Variants in COL23A1 observed in about 807,000 individuals in gnomAD.
The protein encoded by COL23A1 is collagen alpha-1(XXIII) chain.
COL23A1 carries 97 observed loss-of-function variants against 99.3 expected under a neutral mutation model. That is an observed-to-expected ratio of 0.98 (90% CI 0.83 to 1.16). The LOEUF is 1.16. Among genes scored for constraint, COL23A1 ranks in the 50% most tolerant of loss-of-function variants. The pLI is 0.00. For missense variants in COL23A1, 762 were observed against 757.4 expected (o/e 1.01, Z -0.07); for synonymous variants, 320 against 308.2 (o/e 1.04, Z -0.40).
intron 2 of COL23A1, among the ~76,000 whole-genome samples, chr5:178,489,305 T>G (rs1002287063): frequency 6.6e-6 from 1 of 152,208 alleles, no homozygotes; most frequent in Admixed American, 6.5e-5. Context: ...TTCAGGTCCT[T>G]CTGCCTTTGG....
chr5:178,331,111 C>T (rs546828780), intron 2 of COL23A1, among the ~76,000 whole-genome samples: 33 of 152,324 alleles, frequency 2.2e-4, no homozygotes, highest in Non-Finnish European at 4.0e-4. Context: ...CACGAATGCC[C>T]AGTACAAAAG....
chr5:178,562,265 AAG>A, intron 1 of COL23A1: 1 of 332,088 alleles, frequency 3.0e-6, no homozygotes, highest in South Asian at 2.5e-5. Context: ...AAAAAAAAAA[AAG>A]AATGGAGCCG....
At chr5:178,504,032 G>C (rs867008684) in intron 2 of COL23A1, among the ~76,000 whole-genome samples, 1 of 150,484 alleles carries the variant, frequency 6.6e-6, no homozygotes, top group African/African-American at 2.5e-5. Context: ...TGCTGCAAAA[G>C]ATAAAAAAGA....
At chr5:178,518,510 C>A (rs1419695382) in intron 2 of COL23A1, among the ~76,000 whole-genome samples, 2 of 136,794 alleles carry the variant, frequency 1.5e-5, no homozygotes, top group African/African-American at 2.8e-5. Context: ...GACGGGGTGG[C>A]TGGCCGGGCA....
intron 3 of COL23A1, among the ~76,000 whole-genome samples, chr5:178,303,178 T>G (rs1171707815): frequency 1.3e-5 from 2 of 152,086 alleles, no homozygotes; most frequent in Admixed American, 1.3e-4. Context: ...TTTTGTATTT[T>G]TAGTAGAGAT....
chr5:178,379,070 TG>T (rs1207280226), intron 2 of COL23A1, among the ~76,000 whole-genome samples: 1 of 152,182 alleles, frequency 6.6e-6, no homozygotes, highest in Non-Finnish European at 1.5e-5. Context: ...TGTCTGGTTA[TG>T]GGAGCTGCCC....
chr5:178,296,005 C>T (rs1273335336), intron 3 of COL23A1, among the ~76,000 whole-genome samples: 2 of 152,214 alleles, frequency 1.3e-5, no homozygotes, highest in Non-Finnish European at 2.9e-5. Flanking sequence ...GGAGACTGAC[C>T]TCTCACCCTG....
At chr5:178,389,186 C>T (rs1763830222) in intron 2 of COL23A1, among the ~76,000 whole-genome samples, 1 of 152,104 alleles carries the variant, frequency 6.6e-6, no homozygotes, top group South Asian at 2.1e-4. Flanking sequence ...GCTCCCGTTG[C>T]CTCAGTGTGT....
At chr5:178,449,657 C>T (rs548681505) in intron 2 of COL23A1, among the ~76,000 whole-genome samples, 6 of 152,002 alleles carry the variant, frequency 3.9e-5, no homozygotes, top group South Asian at 2.1e-4. Context: ...CCAACGATGC[C>T]GCACCTCCCC....
intron 2 of COL23A1, among the ~76,000 whole-genome samples, chr5:178,320,646 G>C (rs540758190): frequency 6.6e-6 from 1 of 152,324 alleles, no homozygotes; most frequent in Admixed American, 6.5e-5. Flanking sequence ...GGCCCGCCCA[G>C]TTCCCACGCA....
At chr5:178,240,461 C>T (rs1231385688) in intron 27 of COL23A1, among the ~76,000 whole-genome samples, 7 of 152,342 alleles carry the variant, frequency 4.6e-5, no homozygotes, top group Admixed American at 2.6e-4. Flanking sequence ...GGCCGCCTAC[C>T]GCAGGGCATG....
intron 2 of COL23A1, among the ~76,000 whole-genome samples, chr5:178,527,893 G>C (rs1760404534): frequency 6.6e-6 from 1 of 152,200 alleles, no homozygotes; most frequent in African/African-American, 2.4e-5. Context: ...ACCTTTCCAG[G>C]ATTTCTTGGC....
At chr5:178,357,170 T>A (rs1761703623) in intron 2 of COL23A1, among the ~76,000 whole-genome samples, 2 of 152,250 alleles carry the variant, frequency 1.3e-5, no homozygotes, top group African/African-American at 4.8e-5. Context: ...CCCTCCCTGG[T>A]GACCTGGGGC....
chr5:178,432,758 A>T (rs987290044), intron 2 of COL23A1, among the ~76,000 whole-genome samples: 1 of 151,872 alleles, frequency 6.6e-6, no homozygotes, highest in Non-Finnish European at 1.5e-5. Flanking sequence ...CAGCCCTGGG[A>T]CAGTCGTGCT....
chr5:178,438,328 G>GA (rs1396479153), intron 2 of COL23A1, among the ~76,000 whole-genome samples: 6 of 151,996 alleles, frequency 3.9e-5, no homozygotes, highest in East Asian at 1.9e-4. Flanking sequence ...CCTGGAGGGG[G>GA]AAAAAAAGGT....
At chr5:178,416,119 G>C (rs570927560) in intron 2 of COL23A1, among the ~76,000 whole-genome samples, 20 of 152,058 alleles carry the variant, frequency 1.3e-4, no homozygotes, top group South Asian at 8.3e-4. Context: ...TCATTCGCTC[G>C]TTGACTACAT....
At chr5:178,528,098 C>A (rs1760417054) in intron 2 of COL23A1, among the ~76,000 whole-genome samples, 1 of 152,170 alleles carries the variant, frequency 6.6e-6, no homozygotes. Flanking sequence ...GTTCCTGCTC[C>A]CTGGGCACTG....
At chr5:178,575,829 T>C (rs262053) in intron 1 of COL23A1, among the ~76,000 whole-genome samples, 85,039 of 151,758 alleles carry the variant, frequency 0.56, 27,589 homozygotes, top group African/African-American at 0.88. Flanking sequence ...GGAGACCAGG[T>C]CCACCTTCAC....
chr5:178,464,599 G>A (rs1005811545), intron 2 of COL23A1, among the ~76,000 whole-genome samples: 1 of 152,172 alleles, frequency 6.6e-6, no homozygotes, highest in Non-Finnish European at 1.5e-5. Context: ...GGCTGCGGCC[G>A]TCACTCAGCC....
Sources: gnomAD v4.1 joint callset for allele counts (sites outside exome capture counted in the v4.1 genomes callset) on GRCh38, gnomAD v4.1.1 for gene constraint, MANE v1.5 for transcripts, NCBI Gene and HGNC (gene_info 2026-07-23, HGNC 2026-07-21) for gene names.